The following PEBP4 variants were observed in gnomAD, a reference collection of about 807,000 sequenced individuals.
PEBP4 encodes the protein phosphatidylethanolamine-binding protein 4.
A neutral mutation model predicts 23.9 loss-of-function variants in PEBP4; 22 were observed. The ratio of observed to expected loss-of-function variants is 0.92; its 90% CI spans 0.66 to 1.31. The LOEUF is 1.31. PEBP4 is among the 40% of genes most tolerant of loss of function. The pLI is 0.00. For missense variants in PEBP4, 324 were observed against 281.7 expected (o/e 1.15, Z -1.07); for synonymous variants, 112 against 99.3 (o/e 1.13, Z -0.76).
intron 1 of PEBP4, among the ~76,000 whole-genome samples, chr8:22,939,622 A>G (rs1255393882): frequency 6.6e-6 from 1 of 151,734 alleles, no homozygotes; most frequent in Non-Finnish European, 1.5e-5. Flanking sequence ...CTGTTGTTTT[A>G]AGAGATGTTC....
At chr8:22,931,784 C>T (rs865984050), upstream of PEBP4, among the ~76,000 whole-genome samples, 5 of 152,136 alleles carry the variant, frequency 3.3e-5, no homozygotes, top group African/African-American at 1.2e-4. Flanking sequence ...CATCTCTTCT[C>T]CTTCCTCTAC....
intron 3 of PEBP4, among the ~76,000 whole-genome samples, chr8:22,855,045 T>G (rs10156242): frequency 1.8e-4 from 1 of 5,522 alleles, no homozygotes. Context: ...CACACACACA[T>G]GCACCCCAGG....
chr8:22,891,899 C>T (rs1808502364), intron 3 of PEBP4, among the ~76,000 whole-genome samples: 1 of 152,164 alleles, frequency 6.6e-6, no homozygotes, highest in Admixed American at 6.5e-5. Context: ...CGGTGAAACC[C>T]CGTCTCTATT....
intron 3 of PEBP4, among the ~76,000 whole-genome samples, chr8:22,835,410 G>A (rs1185002046): frequency 6.6e-6 from 1 of 152,184 alleles, no homozygotes; most frequent in Non-Finnish European, 1.5e-5. Flanking sequence ...CAGCTGCCTG[G>A]AGCCAGAGAG....
chr8:22,903,031 G>A (rs1055722749), intron 3 of PEBP4, among the ~76,000 whole-genome samples: 18 of 152,172 alleles, frequency 1.2e-4, no homozygotes, highest in African/African-American at 2.2e-4. Context: ...ATAGCCTGAC[G>A]GGCCTGAAAA....
At chr8:22,828,112 G>T (rs1451768423) in intron 3 of PEBP4, among the ~76,000 whole-genome samples, 5 of 152,124 alleles carry the variant, frequency 3.3e-5, no homozygotes, top group Non-Finnish European at 7.3e-5. Flanking sequence ...ATTGTAATAG[G>T]TGTGTCCCAA....
At chr8:22,827,285 A>G (rs781044242) in intron 3 of PEBP4, among the ~76,000 whole-genome samples, 1 of 152,226 alleles carries the variant, frequency 6.6e-6, no homozygotes, top group Non-Finnish European at 1.5e-5. Flanking sequence ...GTACATTTCA[A>G]TGATTTTTAA....
At chr8:22,778,796 T>C (rs927624881) in intron 4 of PEBP4, among the ~76,000 whole-genome samples, 1 of 152,106 alleles carries the variant, frequency 6.6e-6, no homozygotes, top group African/African-American at 2.4e-5. Flanking sequence ...ACCCTGGCCT[T>C]CTCTCCTTGC....
At chr8:22,926,454 C>T (rs1268264462) in intron 2 of PEBP4, among the ~76,000 whole-genome samples, 5 of 152,044 alleles carry the variant, frequency 3.3e-5, no homozygotes, top group African/African-American at 1.2e-4. Context: ...AAGCGATCCT[C>T]CCACCTCAAC....
intron 4 of PEBP4, among the ~76,000 whole-genome samples, chr8:22,762,240 C>T (rs1356015891): frequency 6.6e-6 from 1 of 152,158 alleles, no homozygotes; most frequent in Admixed American, 6.5e-5. Flanking sequence ...TTTCTACCTC[C>T]CACCCCAGTG....
chr8:22,911,861 CG>C (rs1271242215), intron 3 of PEBP4, among the ~76,000 whole-genome samples: 6 of 152,294 alleles, frequency 3.9e-5, no homozygotes, highest in African/African-American at 1.2e-4. Context: ...GGTAGATCAG[CG>C]CACACAGTTT....
intron 3 of PEBP4, among the ~76,000 whole-genome samples, chr8:22,828,716 C>T (rs979597311): frequency 2.0e-5 from 3 of 152,150 alleles, no homozygotes; most frequent in Non-Finnish European, 4.4e-5. Context: ...CTACATTCAC[C>T]AAAGACAATG....
chr8:22,763,520 G>A (rs1185208632), intron 4 of PEBP4, among the ~76,000 whole-genome samples: 4 of 152,094 alleles, frequency 2.6e-5, no homozygotes, highest in Admixed American at 1.3e-4. Flanking sequence ...GCCACTTCCC[G>A]GATCTCTGAC....
At chr8:22,861,856 T>C (rs529535337) in intron 3 of PEBP4, among the ~76,000 whole-genome samples, 94 of 152,326 alleles carry the variant, frequency 6.2e-4, no homozygotes, top group African/African-American at 2.1e-3. Context: ...TTGCCACTTA[T>C]AATAACCTAG....
rs547269095 is a variant in PEBP4 at position 22,755,326 on chromosome 8, CTTTTT to C, written c.358-28111_358-28107del. 9.6e-5 allele frequency among the ~76,000 whole-genome samples: 11 copies of C among 114,610 alleles called. No homozygotes were observed. The East Asian group carries it at 3.4e-3, about 35-fold the overall frequency. The allele number at this position is 114,610 out of a possible 152,430, so 75.2% of individuals were successfully genotyped here. A position where few individuals can be genotyped will look rare whatever the true frequency, so the allele number is the denominator to read the frequency against. On this transcript the variant is annotated intron_variant, in intron 4 of 6. Coordinates refer to ENST00000256404, the MANE Select transcript of PEBP4 (RefSeq NM_144962.3). ...AAATCGTATACTCATTTCTCTCCCT[CTTTTT>C]TTTTTTTTTTTTTTTTTTTTTTGAG...
rs1339876704 is a variant in PEBP4, at chr8:22,920,363, G to A, written c.132-53C>T. On this transcript the variant is annotated intron_variant, in intron 2 of 6. Transcript: ENST00000256404. ...GTGTCAGGGTTTTAAGGGAGCCTGG[G>A]GTTCCCAAGGCTTCAGTCTAGCACT... is the stretch of plus-strand genomic sequence containing the variant. 9 of 1,575,710 alleles carry A rather than the reference G, an allele frequency of 5.7e-6. No homozygotes were observed. The East Asian group carries it at 1.6e-4, about 28-fold the overall frequency.
chr8:22,810,552 A>T (rs1487288140), intron 4 of PEBP4, among the ~76,000 whole-genome samples: 1 of 152,048 alleles, frequency 6.6e-6, no homozygotes, highest in African/African-American at 2.4e-5. Flanking sequence ...TTGGTCTTAT[A>T]CATTTTCTGG....
intron 4 of PEBP4, among the ~76,000 whole-genome samples, chr8:22,749,111 G>T (rs954267788): frequency 2.6e-5 from 4 of 152,180 alleles, no homozygotes; most frequent in Non-Finnish European, 4.4e-5. Flanking sequence ...TTCTGCATCT[G>T]CTTCAGGGCT....
At chr8:22,754,088 G>A (rs899311259) in intron 4 of PEBP4, among the ~76,000 whole-genome samples, 3 of 152,136 alleles carry the variant, frequency 2.0e-5, no homozygotes, top group Non-Finnish European at 2.9e-5. Flanking sequence ...GTGGAAAATG[G>A]AAGCAAACAG....
Sources: gnomAD v4.1 joint callset for allele counts (sites outside exome capture counted in the v4.1 genomes callset) on GRCh38, gnomAD v4.1.1 for gene constraint, MANE v1.5 for transcripts, NCBI Gene and HGNC (gene_info 2026-07-23, HGNC 2026-07-21) for gene names.